Variants in CSF1R observed in about 807,000 individuals in gnomAD.
CSF1R encodes colony stimulating factor 1 receptor.
CSF1R carries 40 observed loss-of-function variants against 110.0 expected under a neutral mutation model. The ratio of observed to expected loss-of-function variants is 0.36; its 90% CI spans 0.28 to 0.47. The LOEUF (loss-of-function observed/expected upper bound fraction) is 0.47, where lower values mean the gene tolerates loss of function less well. Ranked by LOEUF, CSF1R falls within the 20% of genes least tolerant of loss-of-function variation. CSF1R has a pLI of 0.99. For synonymous variants in CSF1R, 523 were observed against 503.4 expected (o/e 1.04, Z -0.52); for missense variants, 1,052 against 1,253.0 (o/e 0.84, Z 2.42).
intron 1 of CSF1R, among the ~76,000 whole-genome samples, chr5:150,101,790 T>G (rs1759413378): frequency 6.6e-6 from 1 of 151,952 alleles, no homozygotes; most frequent in Non-Finnish European, 1.5e-5. Flanking sequence ...CCGCCTCAAC[T>G]GCTTGTAAGA....
At chr5:150,072,730 G>C (rs1203211192) in intron 6 of CSF1R, among the ~76,000 whole-genome samples, 1 of 152,146 alleles carries the variant, frequency 6.6e-6, no homozygotes, top group Non-Finnish European at 1.5e-5. Flanking sequence ...GGAAGAAGAG[G>C]GGTGTGGAGT....
intron 1 of CSF1R, chr5:150,094,898 A>T: frequency 7.9e-7 from 1 of 1,265,562 alleles, no homozygotes; most frequent in Non-Finnish European, 1.1e-6. Flanking sequence ...CTGTTGGAAA[A>T]CGCTTCAAAG....
At position 150,056,090 on chromosome 5, in the gene CSF1R, AC is replaced by A. The variant is rs1757201846; in HGVS notation, c.2489del (p.Cys830LeufsTer24). The A allele has an allele frequency of 6.2e-7, 1 of 1,614,220 alleles. No individual in the cohort carries two copies. On this transcript the variant is annotated frameshift_variant, in exon 18 of 21. Coordinates refer to ENST00000675795, the MANE Select transcript of CSF1R (RefSeq NM_001288705.3). LOFTEE classifies it high-confidence loss of function. ...AGACGTCGCTCTGAACCGTGTAGACACAGTCAAAGATGCTCTCTGGGGCCAT... is the reference window on the plus strand; with the variant it reads ...AGACGTCGCTCTGAACCGTGTAGACAAGTCAAAGATGCTCTCTGGGGCCAT... ...KWMAPESIFD[C>X]VYTVQSDVWS...
intron 1 of CSF1R, among the ~76,000 whole-genome samples, chr5:150,111,009 C>T (rs1322574562): frequency 1.3e-5 from 2 of 151,400 alleles, no homozygotes; most frequent in Non-Finnish European, 2.9e-5. Flanking sequence ...ATGAGGTTCA[C>T]GTGAAGTTAT....
chr5:150,071,789 CA>C (rs1239307759), intron 6 of CSF1R, among the ~76,000 whole-genome samples: 1 of 152,146 alleles, frequency 6.6e-6, no homozygotes, highest in Non-Finnish European at 1.5e-5. Flanking sequence ...CTACACATTC[CA>C]GATTCAGAAC....
chr5:150,070,651 T>A, intron 6 of CSF1R, 80 bp from the exon 7 acceptor site: 1 of 970,512 alleles, frequency 1.0e-6, no homozygotes, highest in Non-Finnish European at 1.4e-6. Flanking sequence ...ATAACAGCCT[T>A]AAAGGGGTTT....
At chr5:150,056,590 T>A (rs1386811076) in intron 16 of CSF1R, among the ~76,000 whole-genome samples, 1 of 152,190 alleles carries the variant, frequency 6.6e-6, no homozygotes, top group African/African-American at 2.4e-5. Context: ...CTTCTCACCC[T>A]TTGTCCTCTG....
intron 1 of CSF1R, among the ~76,000 whole-genome samples, chr5:150,107,544 G>A (rs1759590012): frequency 6.6e-6 from 1 of 152,232 alleles, no homozygotes; most frequent in Non-Finnish European, 1.5e-5. Context: ...AAGAAAGACA[G>A]GCTCAAAGAT....
At chr5:150,069,834 G>T in intron 9 of CSF1R, 39 bp downstream of exon 9, 1 of 1,138,738 alleles carries the variant, frequency 8.8e-7, no homozygotes, top group Non-Finnish European at 1.2e-6. Context: ...GGCGGGGGGC[G>T]GGCGGGGGGG....
chr5:150,061,971 C>A, intron 10 of CSF1R, 122 bp from the exon 11 acceptor site: 1 of 1,358,098 alleles, frequency 7.4e-7, no homozygotes, highest in Non-Finnish European at 1.0e-6. Context: ...GAAGGCAGGG[C>A]AAGGCCTGCT....
At chr5:150,087,912 T>G (rs914199483), upstream of CSF1R, among the ~76,000 whole-genome samples, 2 of 152,110 alleles carry the variant, frequency 1.3e-5, no homozygotes, top group Non-Finnish European at 2.9e-5. Context: ...ATTTCTGTAT[T>G]TTTGGTAGAC....
intron 5 of CSF1R, among the ~76,000 whole-genome samples, chr5:150,076,120 C>A (rs1322148279): frequency 6.6e-6 from 1 of 152,222 alleles, no homozygotes; most frequent in African/African-American, 2.4e-5. Flanking sequence ...AGCCAGAGAC[C>A]TGGAGGTCAT....
upstream of CSF1R, among the ~76,000 whole-genome samples, chr5:150,089,098 T>C (rs2113849763): frequency 6.6e-6 from 1 of 152,318 alleles, no homozygotes; most frequent in East Asian, 1.9e-4. Context: ...AGGGCACATG[T>C]GAAAAAGCAC....
chr5:150,082,878 C>T (rs529484767), intron 1 of CSF1R, among the ~76,000 whole-genome samples: 3 of 152,198 alleles, frequency 2.0e-5, no homozygotes, highest in Non-Finnish European at 4.4e-5. Context: ...CAACTCTGAT[C>T]GCTCAAGATT....
chr5:150,064,431 C>T (rs216141), intron 10 of CSF1R, among the ~76,000 whole-genome samples: 88,272 of 152,076 alleles, frequency 0.58, 28,975 homozygotes, highest in Non-Finnish European at 0.72. Context: ...GGCTCTGATT[C>T]GGAAGGGCGG....
In CSF1R at chr5:150,086,372, C is replaced by T. The variant is rs1758847370; in HGVS notation, c.49+7G>A. ...ACAAAGTCCCCCACCCCCCGTTCTG[C>T]TCTTACCATGCCAAGCTGTGGCCAC... On this transcript the variant is annotated splice_region_variant and intron_variant, in intron 1 of 20. Coordinates refer to ENST00000675795, the MANE Select transcript of CSF1R (RefSeq NM_001288705.3). 1.2e-6 allele frequency: 2 copies of T among 1,605,732 alleles called. No individual in the cohort carries two copies. The highest frequency in any genetic ancestry group is 1.7e-6 in the Non-Finnish European group (2 of 1,176,112).
chr5:150,069,066 C>A (rs1757912874), intron 9 of CSF1R, among the ~76,000 whole-genome samples: 2 of 152,218 alleles, frequency 1.3e-5, no homozygotes, highest in African/African-American at 4.8e-5. Flanking sequence ...AAGCCTTCAA[C>A]AAAATGTTGG....
At chr5:150,098,839 A>G (rs1759303995) in intron 1 of CSF1R, among the ~76,000 whole-genome samples, 1 of 151,892 alleles carries the variant, frequency 6.6e-6, no homozygotes, top group African/African-American at 2.4e-5. Context: ...AAAACCAAAA[A>G]TCAGAAAACC....
intron 10 of CSF1R, among the ~76,000 whole-genome samples, chr5:150,065,753 C>T (rs564060791): frequency 1.3e-5 from 2 of 152,278 alleles, no homozygotes; most frequent in Admixed American, 1.3e-4. Flanking sequence ...CAAGTCTTCT[C>T]GCAGCCTTGC....
Sources: allele counts gnomAD v4.1 joint callset (sites outside exome capture counted in the v4.1 genomes callset), GRCh38; gene constraint gnomAD v4.1.1; transcripts MANE v1.5; gene names NCBI Gene and HGNC (gene_info 2026-07-23, HGNC 2026-07-21).